ARRDC4: variants seen among roughly 807,000 people sequenced by gnomAD.
ARRDC4 encodes arrestin domain containing 4.
Under a neutral mutation model 44.6 loss-of-function variants are expected in ARRDC4, and 40 were observed. The observed-to-expected ratio is 0.90, with a 90% CI of 0.70 to 1.17. The LOEUF is 1.17. Ranked by LOEUF, ARRDC4 falls within the 50% of genes most tolerant of loss-of-function variation. The pLI is 0.00. For missense variants in ARRDC4, 550 were observed against 559.1 expected (o/e 0.98, Z 0.16); for synonymous variants, 211 against 221.2 (o/e 0.95, Z 0.41).
chr15:97,970,455 A>G lies in ARRDC4; in HGVS notation c.1046-134A>G. On this transcript the variant is annotated intron_variant, in intron 6 of 7. Coordinates refer to ENST00000268042, the MANE Select transcript of ARRDC4 (RefSeq NM_183376.3). This position sits in a 1 kb window ranked among gnomAD's most constrained non-coding sequence, Gnocchi z 4.2. ...CTATTTTTTATTGTAATATGCATAA[A>G]ACCTTGCTGATTAGAGGGAAAGAAT... The G allele has an allele frequency of 1.1e-6, 1 of 890,486 alleles. No homozygotes were observed. Among genetic ancestry groups the G allele is most frequent in the Non-Finnish European group, 1.7e-6 (1 of 599,088 alleles). The allele number at this position is 890,486 out of a possible 1,614,324, so 55.2% of individuals were successfully genotyped here. A position where few individuals can be genotyped will look rare whatever the true frequency, so the allele number is the denominator to read the frequency against.
rs541375108 is a variant in ARRDC4 at position 97,973,359 on chromosome 15, G to A, written c.*2172G>A. 2 of 152,548 alleles carry A rather than the reference G, an allele frequency of 1.3e-5. No homozygotes were observed. Among genetic ancestry groups the A allele is most frequent in the Non-Finnish European group, 2.9e-5 (2 of 68,008 alleles). 9.4% of individuals were successfully genotyped at this position (152,548 alleles called of 1,614,324 possible). Reference sequence around the variant, plus strand: ...GAAACTATCTCTGTAGGACTTAAGAGAATAGCTAAAAGGTGTGACTTGCCT... The same window carrying A: ...GAAACTATCTCTGTAGGACTTAAGAAAATAGCTAAAAGGTGTGACTTGCCT... On this transcript the variant is annotated 3_prime_UTR_variant, in exon 8 of 8. Coordinates refer to ENST00000268042, the MANE Select transcript of ARRDC4 (RefSeq NM_183376.3).
At position 97,970,704 on chromosome 15, in the gene ARRDC4, A is replaced by T; in HGVS notation, c.1161A>T (p.Ile387=). The change falls in exon 7 of 8, where the codon ATA becomes ATT. Residue 387 remains isoleucine (I), a synonymous_variant. Coordinates refer to ENST00000268042, the MANE Select transcript of ARRDC4 (RefSeq NM_183376.3). The surrounding 1 kb of genome is among the most constrained non-coding windows in gnomAD (Gnocchi z 4.2). ...GEVCCPVFAC[I]QEFRFQPPPL... ...TGTGCTGTCCTGTGTTTGCCTGTAT[A>T]CAAGAATTCCGGTTTCAACCCCCAC... The T allele has an allele frequency of 6.2e-7, 1 of 1,613,594 alleles. No homozygotes were observed. The highest frequency in any genetic ancestry group is 1.1e-5 in the South Asian group (1 of 91,046).
In ARRDC4 at chr15:97,971,878, G is replaced by C. The variant is rs1330891501; in HGVS notation, c.*691G>C. 1.3e-5 allele frequency: 2 copies of C among 152,222 alleles called. No individual in the cohort carries two copies. The highest frequency in any genetic ancestry group is 4.8e-5 in the African/African-American group (2 of 41,424). 9.4% of individuals were successfully genotyped at this position (152,222 alleles called of 1,614,324 possible). A position where few individuals can be genotyped will look rare whatever the true frequency, so the allele number is the denominator to read the frequency against. On this transcript the variant is annotated 3_prime_UTR_variant, in exon 8 of 8. Transcript: ENST00000268042. ...GCTTGTCGGTTCAAAGAGGAAAGAT[G>C]AATTTCAATGTGAAAACACGTTTTG...
At position 97,969,980 on chromosome 15, in the gene ARRDC4, G is replaced by A. The variant is rs746824267; in HGVS notation, c.980G>A (p.Ser327Asn). Residue 327 changes from serine to asparagine, a missense_variant, in exon 6 of 8, where the codon AGC becomes AAC. Transcript: ENST00000268042. ...AATGGTTTTGGCAGCAGAAACTCCAGCATTGCCAGCCAGTTCAGTATGGAT... is the reference window on the plus strand; with the variant it reads ...AATGGTTTTGGCAGCAGAAACTCCAACATTGCCAGCCAGTTCAGTATGGAT... ...PYNGFGSRNSSIASQFSMDMS... is the reference protein window; with the variant it reads ...PYNGFGSRNSNIASQFSMDMS... 1 of 1,612,938 alleles carries A rather than the reference G, an allele frequency of 6.2e-7. No individual in the cohort carries two copies. The highest frequency in any genetic ancestry group is 1.3e-5 in the African/African-American group (1 of 74,714).
Position 97,967,460 on chromosome 15 carries a change from CAT to C in ARRDC4, c.523-553_523-552del, listed in dbSNP as rs113922629. On this transcript the variant is annotated intron_variant, in intron 3 of 7. Transcript: ENST00000268042. The surrounding 1 kb of genome is among the most constrained non-coding windows in gnomAD (Gnocchi z 5.0). ...GCTTTTCAGATCGGTTAACACTACA[CAT>C]GTTATTGCACTATTACACAAAACCC... 0.037 allele frequency among the ~76,000 whole-genome samples: 5,649 copies of C among 152,100 alleles called. 278 individuals are homozygous for C. Among genetic ancestry groups the C allele is most frequent in the African/African-American group, 0.11 (4,656 of 41,450 alleles).
In ARRDC4 at chr15:97,966,165, C is replaced by T. The variant is rs1899417142; in HGVS notation, c.522+123C>T. On this transcript the variant is annotated intron_variant, in intron 3 of 7. Transcript: ENST00000268042. This position sits in a 1 kb window ranked among gnomAD's most constrained non-coding sequence, Gnocchi z 4.7. The stretch of plus-strand genomic sequence containing the variant: ...AGTCTGTCCTGTCACTTTCTGATGG[C>T]TTGGAAAACACAATCTTGTAACCCA... 8.9e-7 allele frequency: 1 copy of T among 1,129,564 alleles called. No individual in the cohort carries two copies. The highest frequency in any genetic ancestry group is 2.6e-5 in the Admixed American group (1 of 38,238). The allele number at this position is 1,129,564 out of a possible 1,614,324, so 70.0% of individuals were successfully genotyped here. A position where few individuals can be genotyped will look rare whatever the true frequency, so the allele number is the denominator to read the frequency against.
At position 97,970,700 on chromosome 15, in the gene ARRDC4, G is replaced by A. The variant is rs1899495850; in HGVS notation, c.1157G>A (p.Cys386Tyr). ...GAAGTGTGCTGTCCTGTGTTTGCCT[G>A]TATACAAGAATTCCGGTTTCAACCC... Reference protein sequence around the residue: ...EGEVCCPVFACIQEFRFQPPP... With the variant: ...EGEVCCPVFAYIQEFRFQPPP... Residue 386 changes from cysteine to tyrosine, a missense_variant, in exon 7 of 8, where the codon TGT becomes TAT. Coordinates refer to ENST00000268042, the MANE Select transcript of ARRDC4 (RefSeq NM_183376.3). This position sits in a 1 kb window ranked among gnomAD's most constrained non-coding sequence, Gnocchi z 4.2. 6.2e-7 allele frequency: 1 copy of A among 1,613,482 alleles called. No individual in the cohort carries two copies. The highest frequency in any genetic ancestry group is 8.5e-7 in the Non-Finnish European group (1 of 1,179,628).
Position 97,966,100 on chromosome 15 carries a change from C to T in ARRDC4, c.522+58C>T, listed in dbSNP as rs1899416460. On this transcript the variant is annotated intron_variant, in intron 3 of 7. Transcript: ENST00000268042. This position sits in a 1 kb window ranked among gnomAD's most constrained non-coding sequence, Gnocchi z 4.7. ...TTCCTCCTTCCCTCCCTTCCTCCTT[C>T]CTTTCAACAGTGGGATCTATATTTA... 2.5e-6 allele frequency: 4 copies of T among 1,569,972 alleles called. No homozygotes were observed. Among genetic ancestry groups the T allele is most frequent in the Non-Finnish European group, 2.6e-6 (3 of 1,150,658 alleles).
In ARRDC4 at chr15:97,960,909, C is replaced by A; in HGVS notation, c.48C>A (p.Arg16=). 7.0e-7 allele frequency: 1 copy of A among 1,432,800 alleles called. No individual in the cohort carries two copies. 88.8% of individuals were successfully genotyped at this position (1,432,800 alleles called of 1,614,324 possible). A position where few individuals can be genotyped will look rare whatever the true frequency, so the allele number is the denominator to read the frequency against. ...GCAAAVGAEG[R]VKSLGLVFED... ...CGGCGGCCGTGGGTGCCGAGGGCCG[C>A]GTGAAGAGCCTGGGTCTGGTGTTCG... Residue 16 remains arginine, a synonymous_variant, in exon 1 of 8, where the codon CGC becomes CGA. Transcript: ENST00000268042.
rs568226958 is a variant in ARRDC4 at position 97,965,266 on chromosome 15, T to C, written c.308-334T>C. Among the ~76,000 whole-genome samples the C allele has an allele frequency of 5.3e-5, 8 of 152,234 alleles. No homozygotes were observed. The South Asian group carries it at 1.2e-3, about 24-fold the overall frequency. ...GGCAATATAGCAAGACCCTCGTCTC[T>C]GGAAAGAATTATTAAAAATTAGTCA... On this transcript the variant is annotated intron_variant, in intron 1 of 7. Transcript: ENST00000268042. This position sits in a 1 kb window ranked among gnomAD's most constrained non-coding sequence, Gnocchi z 5.1.
At position 97,966,028 on chromosome 15, in the gene ARRDC4, A is replaced by AC; in HGVS notation, c.509dup (p.Pro171ThrfsTer32). The AC allele has an allele frequency of 6.2e-7, 1 of 1,614,138 alleles. No homozygotes were observed. Among genetic ancestry groups the AC allele is most frequent in the Non-Finnish European group, 8.5e-7 (1 of 1,180,026 alleles). ...GGTTGTTAGTCATGTCGATGTCAACACACCAGCATTATTAGTAAGTTCTTC... is the reference window on the plus strand; with the variant it reads ...GGTTGTTAGTCATGTCGATGTCAACACCACCAGCATTATTAGTAAGTTCTTC... On this transcript the variant is annotated frameshift_variant, in exon 3 of 8. Transcript: ENST00000268042. LOFTEE classifies it high-confidence loss of function. This position sits in a 1 kb window ranked among gnomAD's most constrained non-coding sequence, Gnocchi z 4.7.
At position 97,965,965 on chromosome 15, in the gene ARRDC4, C is replaced by T. The variant is rs1201908119; in HGVS notation, c.445C>T (p.Pro149Ser). 9 of 1,613,994 alleles carry T rather than the reference C, an allele frequency of 5.6e-6. No homozygotes were observed. Among genetic ancestry groups the T allele is most frequent in the Middle Eastern group, 3.3e-4 (2 of 6,084 alleles). The change falls in exon 3 of 8, where the codon CCC becomes TCC. Residue 149 changes from proline (P) to serine (S), a missense_variant. Coordinates refer to ENST00000268042, the MANE Select transcript of ARRDC4 (RefSeq NM_183376.3). The surrounding 1 kb of genome is among the most constrained non-coding windows in gnomAD (Gnocchi z 5.1). ...QYCVRAVLER[P>S]KVPDQSVKRE... ...CTGTGTGCGGGCAGTGTTGGAACGA[C>T]CCAAGGTACCTGATCAGAGTGTAAA...
Position 97,960,778 on chromosome 15 carries a change from C to G in ARRDC4, c.-84C>G, listed in dbSNP as rs1435963025. 1 of 1,204,048 alleles carries G rather than the reference C, an allele frequency of 8.3e-7. No individual in the cohort carries two copies. Among genetic ancestry groups the G allele is most frequent in the Non-Finnish European group, 1.0e-6 (1 of 957,144 alleles). The allele number at this position is 1,204,048 out of a possible 1,614,324, so 74.6% of individuals were successfully genotyped here. A position where few individuals can be genotyped will look rare whatever the true frequency, so the allele number is the denominator to read the frequency against. ...CGGCGGCCTTACCCTGCCGCGAGCGCCTGTGACAGCGGCGCCGCTGTGCTC... is the reference window on the plus strand; with the variant it reads ...CGGCGGCCTTACCCTGCCGCGAGCGGCTGTGACAGCGGCGCCGCTGTGCTC... On this transcript the variant is annotated 5_prime_UTR_variant, in exon 1 of 8. Coordinates refer to ENST00000268042, the MANE Select transcript of ARRDC4 (RefSeq NM_183376.3).
chr15:97,966,063 TTCC>T lies in ARRDC4; in HGVS notation c.522+29_522+31del, dbSNP rs949207185. The T allele has an allele frequency of 2.5e-6, 4 of 1,612,514 alleles. No homozygotes were observed. Among genetic ancestry groups the T allele is most frequent in the African/African-American group, 1.3e-5 (1 of 74,904 alleles). On this transcript the variant is annotated intron_variant, in intron 3 of 7. Coordinates refer to ENST00000268042, the MANE Select transcript of ARRDC4 (RefSeq NM_183376.3). This position sits in a 1 kb window ranked among gnomAD's most constrained non-coding sequence, Gnocchi z 4.7. Reference sequence around the variant, plus strand: ...TATTAGTAAGTTCTTCCTTTTTCTCTTCCTCCTCCTTTTCCTCCTTCCCTCCCT... The same window carrying T: ...TATTAGTAAGTTCTTCCTTTTTCTCTTCCTCCTTTTCCTCCTTCCCTCCCT...
At position 97,967,110 on chromosome 15, in the gene ARRDC4, A is replaced by G. The variant is rs1238281724; in HGVS notation, c.523-904A>G. On this transcript the variant is annotated intron_variant, in intron 3 of 7. Coordinates refer to ENST00000268042, the MANE Select transcript of ARRDC4 (RefSeq NM_183376.3). This position sits in a 1 kb window ranked among gnomAD's most constrained non-coding sequence, Gnocchi z 5.0. ...GGCCTGGCTTATAGCTGGGACTTTA[A>G]CAGCCGCTTGAAAACCATTTTTGAA... 2.6e-5 allele frequency among the ~76,000 whole-genome samples: 4 copies of G among 152,226 alleles called. No individual in the cohort carries two copies. The highest frequency in any genetic ancestry group is 5.9e-5 in the Non-Finnish European group (4 of 68,032).
At chr15:97,969,609 T>C (rs1389430978) in intron 5 of ARRDC4, among the ~76,000 whole-genome samples, 1 of 152,202 alleles carries the variant, frequency 6.6e-6, no homozygotes, top group African/African-American at 2.4e-5. Context: ...TTTGTTATAT[T>C]GAAGACATAG....
At position 97,966,117 on chromosome 15, in the gene ARRDC4, C is replaced by T; in HGVS notation, c.522+75C>T. On this transcript the variant is annotated intron_variant, in intron 3 of 7. Coordinates refer to ENST00000268042, the MANE Select transcript of ARRDC4 (RefSeq NM_183376.3). The surrounding 1 kb of genome is among the most constrained non-coding windows in gnomAD (Gnocchi z 4.7). Reference sequence around the variant, plus strand: ...TCCTCCTTCCTTTCAACAGTGGGATCTATATTTAGCCAGTTTACTGGTAGT... The same window carrying T: ...TCCTCCTTCCTTTCAACAGTGGGATTTATATTTAGCCAGTTTACTGGTAGT... 6.6e-7 allele frequency: 1 copy of T among 1,509,700 alleles called. No homozygotes were observed. The highest frequency in any genetic ancestry group is 9.0e-7 in the Non-Finnish European group (1 of 1,108,776). The allele number at this position is 1,509,700 out of a possible 1,614,324, so 93.5% of individuals were successfully genotyped here.
At position 97,966,005 on chromosome 15, in the gene ARRDC4, T is replaced by A; in HGVS notation, c.485T>A (p.Val162Asp). The A allele has an allele frequency of 5.0e-6, 8 of 1,614,112 alleles. No homozygotes were observed. The highest frequency in any genetic ancestry group is 6.8e-6 in the Non-Finnish European group (8 of 1,180,004). Residue 162 changes from valine (V) to aspartate (D), a missense_variant, in exon 3 of 8, where the codon GTT becomes GAT. By Grantham distance (152) the Val-to-Asp change is radical. Transcript: ENST00000268042. This position sits in a 1 kb window ranked among gnomAD's most constrained non-coding sequence, Gnocchi z 4.7. Reference protein sequence around the residue: ...PDQSVKRELQVVSHVDVNTPA... With the variant: ...PDQSVKRELQDVSHVDVNTPA... ...CAGAGTGTAAAGCGGGAACTCCAGG[T>A]TGTTAGTCATGTCGATGTCAACACA... is the stretch of plus-strand genomic sequence containing the variant.
At position 97,961,284 on chromosome 15, in the gene ARRDC4, GGGGGT is replaced by G. The variant is rs1317727947; in HGVS notation, c.307+122_307+126del. ...GCAGGTGAGATCAGGGCGGGCTTCC[GGGGGT>G]GGGGTCCGGCCTACCCTCGCGGGTA... On this transcript the variant is annotated intron_variant, in intron 1 of 7. Coordinates refer to ENST00000268042, the MANE Select transcript of ARRDC4 (RefSeq NM_183376.3). 4.0e-6 allele frequency: 4 copies of G among 988,872 alleles called. No homozygotes were observed. The African/African-American group carries it at 6.9e-5, about 17-fold the overall frequency. The allele number at this position is 988,872 out of a possible 1,614,324, so 61.3% of individuals were successfully genotyped here.
Sources: allele counts gnomAD v4.1 joint callset (sites outside exome capture counted in the v4.1 genomes callset), GRCh38; gene constraint gnomAD v4.1.1; non-coding constraint Gnocchi (gnomAD v3.1); transcripts MANE v1.5; gene names NCBI Gene and HGNC (gene_info 2026-07-23, HGNC 2026-07-21).